DNAJB1: variants seen among roughly 807,000 people sequenced by gnomAD.
DNAJB1 encodes DnaJ heat shock protein family (Hsp40) member B1, also known as dnaJ homolog subfamily B member 1.
Under a neutral mutation model 24.0 loss-of-function variants are expected in DNAJB1, and 14 were observed. That is an observed-to-expected ratio of 0.58 (90% CI 0.39 to 0.91). The LOEUF (loss-of-function observed/expected upper bound fraction) is 0.91, where lower values mean the gene tolerates loss of function less well. Ranked by LOEUF, DNAJB1 falls within the 40% of genes least tolerant of loss-of-function variation. DNAJB1 has a pLI of 0.00. For missense variants in DNAJB1, 517 were observed against 458.1 expected, an observed-to-expected ratio of 1.13 and a Z score of -1.17; for synonymous variants, 262 against 174.4, an observed-to-expected ratio of 1.50 and a Z score of -3.96.
intron 1 of DNAJB1, among the ~76,000 whole-genome samples, chr19:14,537,203 T>C (rs990737666): frequency 4.8e-5 from 2 of 41,350 alleles, no homozygotes; most frequent in African/African-American, 9.7e-5. Flanking sequence ...GGGGAGGAGG[T>C]GGGGCTCAGG....
upstream of DNAJB1, chr19:14,530,918 C>T (rs550119095): frequency 2.0e-5 from 3 of 152,322 alleles, no homozygotes; most frequent in Middle Eastern, 3.4e-3. Context: ...AAGCTGTAGA[C>T]GTTAAATACT....
At chr19:14,517,094 C>CT (rs1228378737) in intron 1 of DNAJB1, 48 bp from the exon 2 acceptor site, 2 of 1,544,770 alleles carry the variant, frequency 1.3e-6, no homozygotes, top group Admixed American at 3.8e-5. Context: ...AGCAGACTCT[C>CT]TCTCGAGCTT....
At chr19:14,556,758 T>TG (rs2073740742) in intron 1 of DNAJB1, among the ~76,000 whole-genome samples, 1 of 152,190 alleles carries the variant, frequency 6.6e-6, no homozygotes, top group Non-Finnish European at 1.5e-5. Flanking sequence ...ACATCGGCTT[T>TG]GGGACTGTTC....
At chr19:14,553,179 T>C (rs1447269996), upstream of DNAJB1, among the ~76,000 whole-genome samples, 1 of 152,174 alleles carries the variant, frequency 6.6e-6, no homozygotes, top group Non-Finnish European at 1.5e-5. Context: ...AAGGCTGGAT[T>C]GCTACCTGCT....
At chr19:14,547,926 T>A (rs1223473843) in intron 1 of DNAJB1, among the ~76,000 whole-genome samples, 1 of 151,906 alleles carries the variant, frequency 6.6e-6, no homozygotes, top group Admixed American at 6.6e-5. Context: ...TCCTCCTGCC[T>A]TGGCCTCCCA....
intron 1 of DNAJB1, among the ~76,000 whole-genome samples, chr19:14,555,641 A>G (rs1198555500): frequency 2.6e-5 from 4 of 151,758 alleles, no homozygotes; most frequent in Admixed American, 6.6e-5. Context: ...GGGTTTTACC[A>G]TGTTGGCCAG....
At chr19:14,533,106 T>G (rs2146551033), upstream of DNAJB1, among the ~76,000 whole-genome samples, 1 of 145,150 alleles carries the variant, frequency 6.9e-6, no homozygotes, top group East Asian at 2.1e-4. Context: ...AGCGAGACTC[T>G]GTTTTAAAAA....
upstream of DNAJB1, among the ~76,000 whole-genome samples, chr19:14,522,487 GAAAA>G (rs60019206): frequency 3.4e-5 from 2 of 59,258 alleles, no homozygotes; most frequent in African/African-American, 1.1e-4. Flanking sequence ...CTGTCTCGAA[GAAAA>G]AAAAAAAAAA....
At chr19:14,547,642 G>A (rs1437657771) in intron 1 of DNAJB1, among the ~76,000 whole-genome samples, 2 of 150,404 alleles carry the variant, frequency 1.3e-5, no homozygotes, top group Non-Finnish European at 2.9e-5. Context: ...GATTACAGGT[G>A]TGAGCCACTG....
In DNAJB1 at chr19:14,516,113, C is replaced by T. The variant is rs374296355; in HGVS notation, c.850G>A (p.Val284Ile). Residue 284 changes from valine (V) to isoleucine (I), a missense_variant, in exon 3 of 3, where the codon GTA becomes ATA. Val to Ile is a conservative substitution (Grantham distance 29, BLOSUM62 3). Coordinates refer to ENST00000254322, the MANE Select transcript of DNAJB1 (RefSeq NM_006145.3). Reference sequence around the variant, plus strand: ...CCAGGCCTGATAACATCTTTGAATACGACGGGTATCGTCCTGCCGTCCAGA... The same window carrying T: ...CCAGGCCTGATAACATCTTTGAATATGACGGGTATCGTCCTGCCGTCCAGA... The part of the protein sequence containing the change: ...PTLDGRTIPV[V>I]FKDVIRPGMR... 75 of 1,613,726 alleles carry T rather than the reference C, an allele frequency of 4.6e-5. No individual in the cohort carries two copies. Among genetic ancestry groups the T allele is most frequent in the African/African-American group, 3.3e-4 (25 of 74,980 alleles).
At chr19:14,552,505 G>A (rs750630159), upstream of DNAJB1, among the ~76,000 whole-genome samples, 2 of 151,226 alleles carry the variant, frequency 1.3e-5, no homozygotes, top group African/African-American at 2.4e-5. Flanking sequence ...TCCAAGCCAC[G>A]TAACAGGCAT....
intron 1 of DNAJB1, among the ~76,000 whole-genome samples, chr19:14,556,224 T>TGCCA (rs2073716259): frequency 3.3e-5 from 5 of 152,158 alleles, no homozygotes; most frequent in Admixed American, 3.3e-4. Flanking sequence ...CCTCAGGGCC[T>TGCCA]TGGCACTTAC....
At chr19:14,546,026 G>C (rs1031093931) in intron 1 of DNAJB1, 27 of 152,296 alleles carry the variant, frequency 1.8e-4, no homozygotes, top group African/African-American at 5.3e-4. Flanking sequence ...CTTCCTGGCT[G>C]GGTCACGCCC....
intron 1 of DNAJB1, among the ~76,000 whole-genome samples, chr19:14,558,837 T>C (rs2073822175): frequency 6.6e-6 from 1 of 152,134 alleles, no homozygotes; most frequent in Non-Finnish European, 1.5e-5. Flanking sequence ...CCGCTTCTCC[T>C]GGAGATGGGG....
rs916139817 is a variant in DNAJB1 at position 14,529,179 on chromosome 19, C to T, written c.-175+31G>A. ...GACCCCAGCCCCTAGCCCTCTCCTG[C>T]TGTTCCCGGTGTACCCCGGGGGCCG... On this transcript the variant is annotated intron_variant, in intron 1 of 3. Coordinates refer to the DNAJB1 transcript ENST00000396969. 15 of 230,804 alleles carry T rather than the reference C, an allele frequency of 6.5e-5. No homozygotes were observed. The East Asian group carries it at 1.6e-3, about 24-fold the overall frequency. 14.3% of individuals were successfully genotyped at this position (230,804 alleles called of 1,614,324 possible).
Position 14,537,171 on chromosome 19 carries a change from C to CG in DNAJB1, c.-213-9362dup, listed in dbSNP as rs1250095462. ...AGGGCTGAGAAAGAAGAGGCGGGGCCGGGGGGGAAGGGGAGGCCGAGGGGG... is the reference window on the plus strand; with the variant it reads ...AGGGCTGAGAAAGAAGAGGCGGGGCCGGGGGGGGAAGGGGAGGCCGAGGGGG... On this transcript the variant is annotated intron_variant, in intron 1 of 3. Transcript: ENST00000676982. 4.5e-5 allele frequency among the ~76,000 whole-genome samples: 4 copies of CG among 88,468 alleles called. No individual in the cohort carries two copies. The East Asian group carries it at 1.7e-3, about 39-fold the overall frequency. The allele number at this position is 88,468 out of a possible 152,430, so 58.0% of individuals were successfully genotyped here.
upstream of DNAJB1, chr19:14,518,560 G>T (rs988887835): frequency 5.3e-6 from 2 of 375,776 alleles, no homozygotes; most frequent in African/African-American, 4.4e-5. Flanking sequence ...CGCCGTCAAC[G>T]GCCGCCCGCG....
rs772131060 is a variant in DNAJB1 at position 14,516,082 on chromosome 19, C to T, written c.881G>A (p.Arg294Gln). 11 of 1,613,650 alleles carry T rather than the reference C, an allele frequency of 6.8e-6. No individual in the cohort carries two copies. Among genetic ancestry groups the T allele is most frequent in the Admixed American group, 3.3e-5 (2 of 59,876 alleles). ...VFKDVIRPGM[R>Q]RKVPGEGLPL... ...GAGGCCTTCTCCAGGAACTTTTCGC[C>T]GCATGCCAGGCCTGATAACATCTTT... The change falls in exon 3 of 3, where the codon CGG (arginine) becomes CAG (glutamine). Residue 294 changes from arginine to glutamine, a missense_variant. Transcript: ENST00000254322.
upstream of DNAJB1, among the ~76,000 whole-genome samples, chr19:14,554,713 C>A (rs927501475): frequency 4.6e-5 from 7 of 152,130 alleles, no homozygotes; most frequent in Admixed American, 3.3e-4. Flanking sequence ...CCCACACCCA[C>A]TCCACTCTCA....
Sources: allele counts gnomAD v4.1 joint callset (sites outside exome capture counted in the v4.1 genomes callset), GRCh38; gene constraint gnomAD v4.1.1; transcripts MANE v1.5; gene names NCBI Gene and HGNC (gene_info 2026-07-23, HGNC 2026-07-21).